The following EDIL3 variants were observed in gnomAD, a reference collection of about 807,000 sequenced individuals.
The protein encoded by EDIL3 is EGF like and discoidin domains 3, also known as EGF-like repeat and discoidin I-like domain-containing protein 3.
Under a neutral mutation model 67.4 loss-of-function variants are expected in EDIL3, and 37 were observed. The ratio of observed to expected loss-of-function variants is 0.55; its 90% CI spans 0.42 to 0.72. The LOEUF is 0.72. Ranked by LOEUF, EDIL3 falls within the 30% of genes least tolerant of loss-of-function variation. The pLI is 0.00. For missense variants in EDIL3, 527 were observed against 586.3 expected (o/e 0.90, Z 1.04); for synonymous variants, 195 against 196.3 (o/e 0.99, Z 0.05).
At chr5:84,299,988 C>T (rs1221473051) in intron 1 of EDIL3, among the ~76,000 whole-genome samples, 1 of 152,288 alleles carries the variant, frequency 6.6e-6, no homozygotes, top group Admixed American at 6.5e-5. Context: ...TACCAACATT[C>T]CCAAGTATTA....
At chr5:84,218,285 C>G (rs576430711) in intron 3 of EDIL3, among the ~76,000 whole-genome samples, 3 of 152,256 alleles carry the variant, frequency 2.0e-5, no homozygotes, top group African/African-American at 7.2e-5. Flanking sequence ...ATTTAATACT[C>G]TTAGGAATGT....
intron 1 of EDIL3, among the ~76,000 whole-genome samples, chr5:84,331,234 A>C (rs1357621938): frequency 6.6e-6 from 1 of 152,190 alleles, no homozygotes; most frequent in East Asian, 1.9e-4. Flanking sequence ...TGATGGAATA[A>C]GTTAAGACTT....
intron 10 of EDIL3, among the ~76,000 whole-genome samples, chr5:83,944,036 C>G (rs1055944717): frequency 1.3e-5 from 2 of 151,992 alleles, no homozygotes; most frequent in Non-Finnish European, 2.9e-5. Context: ...TTTAAGAGAA[C>G]AAGCATGGAA....
chr5:84,068,236 T>TC (rs1746677826), intron 6 of EDIL3, among the ~76,000 whole-genome samples: 1 of 152,188 alleles, frequency 6.6e-6, no homozygotes, highest in Non-Finnish European at 1.5e-5. Flanking sequence ...CATGACATTT[T>TC]CTTTTTTTTT....
chr5:84,103,237 T>G (rs1747399991), intron 6 of EDIL3, among the ~76,000 whole-genome samples: 1 of 152,094 alleles, frequency 6.6e-6, no homozygotes, highest in Non-Finnish European at 1.5e-5. Context: ...ATTAAAGACT[T>G]AAATGTAAAA....
chr5:84,191,437 A>G (rs1299037244), intron 3 of EDIL3, among the ~76,000 whole-genome samples: 1 of 152,090 alleles, frequency 6.6e-6, no homozygotes, highest in Non-Finnish European at 1.5e-5. Flanking sequence ...CATTGGAAGC[A>G]CAGCTGGACA....
At chr5:84,309,138 T>G (rs1408786961) in intron 1 of EDIL3, among the ~76,000 whole-genome samples, 2 of 152,120 alleles carry the variant, frequency 1.3e-5, no homozygotes, top group Non-Finnish European at 2.9e-5. Context: ...ATGGCATAAT[T>G]ATGTTGAAGA....
chr5:84,193,027 A>G (rs1743624233), intron 3 of EDIL3, among the ~76,000 whole-genome samples: 1 of 151,998 alleles, frequency 6.6e-6, no homozygotes, highest in African/African-American at 2.4e-5. Context: ...TAGTGTAGCT[A>G]GAACAGGCAC....
In EDIL3 at chr5:84,348,606, A is replaced by C. The variant is rs114289879; in HGVS notation, c.67+35702T>G. Among the ~76,000 whole-genome samples, 442 of 151,732 alleles carry C rather than the reference A, an allele frequency of 2.9e-3. 2 individuals are homozygous for C. Among genetic ancestry groups the C allele is most frequent in the African/African-American group, 0.01 (426 of 41,178 alleles). ...GTTCCTCTGTGGCAAAAAAAAAAAAAAACACCTGTTCGAAAATAAATAACC... is the reference window on the plus strand; with the variant it reads ...GTTCCTCTGTGGCAAAAAAAAAAAACAACACCTGTTCGAAAATAAATAACC... On this transcript the variant is annotated intron_variant, in intron 1 of 10. Transcript: ENST00000296591.
intron 1 of EDIL3, among the ~76,000 whole-genome samples, chr5:84,360,608 G>C (rs1260016192): frequency 1.3e-5 from 2 of 152,084 alleles, no homozygotes; most frequent in Non-Finnish European, 1.5e-5. Context: ...CTCCAGTATG[G>C]TAATTACCAA....
chr5:84,076,090 T>C (rs1746851853), intron 6 of EDIL3, among the ~76,000 whole-genome samples: 1 of 151,736 alleles, frequency 6.6e-6, no homozygotes. Flanking sequence ...AAAATAATTA[T>C]ATTGTTCAAA....
In EDIL3 at chr5:83,956,998, T is replaced by A. The variant is rs191759559; in HGVS notation, c.1293+6207A>T. 3.4e-3 allele frequency among the ~76,000 whole-genome samples: 514 copies of A among 151,852 alleles called. 6 individuals are homozygous for A. The highest frequency in any genetic ancestry group is 4.6e-3 in the Non-Finnish European group (309 of 67,814). On this transcript the variant is annotated intron_variant, in intron 10 of 10. Transcript: ENST00000296591. ...TCACTCAGCCACTGAATAAGTAAAA[T>A]AAAGTGACTACATGAATTTCTATCA...
chr5:83,996,341 C>T lies in EDIL3; in HGVS notation c.1138-32981G>A, dbSNP rs143103738. Among the ~76,000 whole-genome samples, 763 of 152,234 alleles carry T rather than the reference C, an allele frequency of 5.0e-3. 2 individuals are homozygous for T. The highest frequency in any genetic ancestry group is 0.017 in the Middle Eastern group (5 of 294). On this transcript the variant is annotated intron_variant, in intron 9 of 10. Coordinates refer to ENST00000296591, the MANE Select transcript of EDIL3 (RefSeq NM_005711.5). ...CTTACTAAAAGGATGTTAAAGTACC[C>T]CTCTCTTTATCCCAATATGTGGAAG...
At chr5:84,105,577 G>C (rs137950020) in intron 6 of EDIL3, among the ~76,000 whole-genome samples, 80 of 152,056 alleles carry the variant, frequency 5.3e-4, no homozygotes, top group African/African-American at 1.9e-3. Context: ...AGAATACGTA[G>C]TAAACAGATA....
chr5:84,054,041 T>C (rs1746395574), intron 9 of EDIL3, among the ~76,000 whole-genome samples: 1 of 152,086 alleles, frequency 6.6e-6, no homozygotes, highest in Non-Finnish European at 1.5e-5. Context: ...CTGATGAACA[T>C]CGATGCAAAA....
chr5:84,110,194 C>T (rs542082045), intron 5 of EDIL3, among the ~76,000 whole-genome samples: 10 of 152,078 alleles, frequency 6.6e-5, no homozygotes, highest in African/African-American at 9.7e-5. Context: ...AAGTAATAAG[C>T]AAATCCAAGC....
chr5:83,979,746 G>C (rs1247265054), intron 9 of EDIL3, among the ~76,000 whole-genome samples: 1 of 152,024 alleles, frequency 6.6e-6, no homozygotes, highest in Non-Finnish European at 1.5e-5. Flanking sequence ...TTCTGACACA[G>C]CCACCAACTG....
At chr5:84,025,978 C>T (rs1366405656) in intron 9 of EDIL3, among the ~76,000 whole-genome samples, 1 of 151,952 alleles carries the variant, frequency 6.6e-6, no homozygotes, top group Non-Finnish European at 1.5e-5. Context: ...GGGTTTCTTG[C>T]CTGAAAAAAT....
intron 4 of EDIL3, among the ~76,000 whole-genome samples, chr5:84,172,053 T>A (rs1653112756): frequency 1.3e-5 from 2 of 152,138 alleles, no homozygotes; most frequent in Admixed American, 1.3e-4. Context: ...GGACCCCACA[T>A]GATTCATATG....
Sources: allele counts gnomAD v4.1 joint callset (sites outside exome capture counted in the v4.1 genomes callset), GRCh38; gene constraint gnomAD v4.1.1; transcripts MANE v1.5; gene names NCBI Gene and HGNC (gene_info 2026-07-23, HGNC 2026-07-21).